AK8: variants seen among roughly 807,000 people sequenced by gnomAD.
The protein encoded by AK8 is adenylate kinase 8.
Under a neutral mutation model 54.6 loss-of-function variants are expected in AK8, and 44 were observed. The ratio of observed to expected loss-of-function variants is 0.81; its 90% CI spans 0.63 to 1.04. The LOEUF (loss-of-function observed/expected upper bound fraction) is 1.04. Among genes scored for constraint, AK8 ranks in the 50% least tolerant of loss-of-function variants. AK8 has a pLI of 0.00. For missense variants in AK8, 555 were observed against 613.6 expected (o/e 0.90, Z 1.01); for synonymous variants, 239 against 245.6 (o/e 0.97, Z 0.25).
At chr9:132,828,992 C>T (rs1462669070) in intron 5 of AK8, among the ~76,000 whole-genome samples, 2 of 148,916 alleles carry the variant, frequency 1.3e-5, no homozygotes, top group South Asian at 2.1e-4. Context: ...GTTTCACTCT[C>T]GTTGCCCAAT....
chr9:132,807,126 T>A (rs1396146646), intron 10 of AK8, among the ~76,000 whole-genome samples: 1 of 150,940 alleles, frequency 6.6e-6, no homozygotes, highest in African/African-American at 2.4e-5. Flanking sequence ...GGAATATGTC[T>A]GGTATGTGCC....
intron 11 of AK8, among the ~76,000 whole-genome samples, chr9:132,729,514 T>C (rs1887962): frequency 0.75 from 113,979 of 151,616 alleles, 43,448 homozygotes; most frequent in Admixed American, 0.85. Flanking sequence ...TAGCACTAAA[T>C]CATCTGGTTC....
At chr9:132,793,408 C>T (rs903207134) in intron 10 of AK8, among the ~76,000 whole-genome samples, 16 of 152,158 alleles carry the variant, frequency 1.1e-4, no homozygotes, top group Middle Eastern at 3.2e-3. Context: ...GTTTTTGCAG[C>T]AAACACTTTT....
Position 132,814,632 on chromosome 9 carries a change from GCCTA to G in AK8, c.979+2_979+5del. The G allele has an allele frequency of 6.2e-7, 1 of 1,613,498 alleles. No individual in the cohort carries two copies. The highest frequency in any genetic ancestry group is 8.5e-7 in the Non-Finnish European group (1 of 1,179,680). The stretch of plus-strand genomic sequence containing the variant: ...GGTCATGACAGTTAGTGGGAACGTG[GCCTA>G]CCTGCCATCTCCTTTTCAAAGAAGG... On this transcript the variant is annotated splice_donor_variant and splice_donor_5th_base_variant and intron_variant, in intron 10 of 12. Coordinates refer to ENST00000298545, the MANE Select transcript of AK8 (RefSeq NM_152572.3). LOFTEE classifies it high-confidence loss of function.
At chr9:132,850,387 C>G (rs1842926258) in intron 5 of AK8, among the ~76,000 whole-genome samples, 1 of 135,314 alleles carries the variant, frequency 7.4e-6, no homozygotes, top group Non-Finnish European at 1.6e-5. Flanking sequence ...CCACTGCATT[C>G]AACCCTAATA....
intron 11 of AK8, among the ~76,000 whole-genome samples, chr9:132,755,325 C>G (rs1238109948): frequency 6.6e-6 from 1 of 152,224 alleles, no homozygotes; most frequent in Non-Finnish European, 1.5e-5. Flanking sequence ...CCCTGCACAC[C>G]AAGAGCCACG....
intron 5 of AK8, among the ~76,000 whole-genome samples, chr9:132,849,945 C>A (rs1301409231): frequency 1.3e-5 from 2 of 151,980 alleles, no homozygotes; most frequent in Admixed American, 6.6e-5. Context: ...CAGGGTTTCA[C>A]CATGTTGGCC....
At chr9:132,853,318 G>A (rs1370354553) in intron 5 of AK8, among the ~76,000 whole-genome samples, 44 of 140,460 alleles carry the variant, frequency 3.1e-4, no homozygotes, top group African/African-American at 1.0e-3. Context: ...AGATTATGCC[G>A]CTGCACTCCT....
intron 10 of AK8, among the ~76,000 whole-genome samples, chr9:132,797,863 C>T (rs567906495): frequency 2.2e-4 from 34 of 152,354 alleles, no homozygotes; most frequent in Admixed American, 1.2e-3. Flanking sequence ...GGCCTCCAGC[C>T]GTCCTGTAAC....
chr9:132,855,662 G>A (rs1022420656), intron 4 of AK8, among the ~76,000 whole-genome samples: 1 of 152,212 alleles, frequency 6.6e-6, no homozygotes, highest in Non-Finnish European at 1.5e-5. Flanking sequence ...CGACCATAAT[G>A]AAACTTCAAA....
intron 11 of AK8, among the ~76,000 whole-genome samples, chr9:132,733,200 G>A (rs906358008): frequency 2.6e-5 from 4 of 151,904 alleles, no homozygotes; most frequent in African/African-American, 7.3e-5. Flanking sequence ...CATTCACAAC[G>A]TGCTGCAAAA....
intron 5 of AK8, among the ~76,000 whole-genome samples, chr9:132,832,489 T>A (rs1842151269): frequency 6.6e-6 from 1 of 152,172 alleles, no homozygotes; most frequent in Non-Finnish European, 1.5e-5. Context: ...GCTAAATTCA[T>A]ACCCCCTTAT....
At chr9:132,730,297 C>G (rs1836775654) in intron 11 of AK8, among the ~76,000 whole-genome samples, 1 of 152,160 alleles carries the variant, frequency 6.6e-6, no homozygotes, top group Non-Finnish European at 1.5e-5. Context: ...CCAGACCAGC[C>G]TTTGGGGCAC....
chr9:132,768,503 G>A (rs1047250526), intron 11 of AK8, among the ~76,000 whole-genome samples: 1 of 152,136 alleles, frequency 6.6e-6, no homozygotes, highest in Admixed American at 6.5e-5. Flanking sequence ...CTGACCTCAG[G>A]TGATCTGCCC....
At chr9:132,758,513 G>A (rs1460916285) in intron 11 of AK8, among the ~76,000 whole-genome samples, 5 of 152,140 alleles carry the variant, frequency 3.3e-5, no homozygotes, top group African/African-American at 7.2e-5. Flanking sequence ...GCAATGGTGC[G>A]ATCTCGGCTC....
intron 5 of AK8, among the ~76,000 whole-genome samples, chr9:132,843,009 C>A (rs1314061769): frequency 6.6e-6 from 1 of 152,182 alleles, no homozygotes; most frequent in Non-Finnish European, 1.5e-5. Flanking sequence ...GTGACATCCC[C>A]TCACCTTTGC....
In AK8 at chr9:132,878,262, G is replaced by T. The variant is rs761407791; in HGVS notation, c.-7C>A. 7.3e-7 allele frequency: 1 copy of T among 1,363,058 alleles called. No individual in the cohort carries two copies. Among genetic ancestry groups the T allele is most frequent in the Admixed American group, 2.9e-5 (1 of 34,584 alleles). The allele number at this position is 1,363,058 out of a possible 1,614,324, so 84.4% of individuals were successfully genotyped here. On this transcript the variant is annotated 5_prime_UTR_variant, in exon 1 of 13. Transcript: ENST00000298545. The surrounding 1 kb of genome is among the most constrained non-coding windows in gnomAD (Gnocchi z 4.7). ...GGGCGATAGTGGCGTCCATGTAGCC[G>T]TCTCGGCTCGCCGCTCCCTAGTAAC...
At chr9:132,830,667 T>C (rs934018490) in intron 5 of AK8, among the ~76,000 whole-genome samples, 6 of 152,242 alleles carry the variant, frequency 3.9e-5, no homozygotes, top group African/African-American at 1.2e-4. Flanking sequence ...TGAACCCATT[T>C]TGGCAAACAC....
rs1174244213 is a variant in AK8, at chr9:132,850,765, C to T, written c.402+4092G>A. ...GCCAGGCTAGTCTAGAACTCCTGGA[C>T]TCAAGCAATCCTCCTGCCTTGGCCT... On this transcript the variant is annotated intron_variant, in intron 5 of 12. Transcript: ENST00000298545. 2.6e-5 allele frequency among the ~76,000 whole-genome samples: 4 copies of T among 151,244 alleles called. No individual in the cohort carries two copies. The East Asian group carries it at 8.0e-4, about 30-fold the overall frequency.
Sources: allele counts gnomAD v4.1 joint callset (sites outside exome capture counted in the v4.1 genomes callset), GRCh38; gene constraint gnomAD v4.1.1; non-coding constraint Gnocchi (gnomAD v3.1); transcripts MANE v1.5; gene names NCBI Gene and HGNC (gene_info 2026-07-23, HGNC 2026-07-21).